Variants in SNX4 observed in about 807,000 individuals in gnomAD.
SNX4 encodes the protein sorting nexin 4, also known as sorting nexin-4.
In SNX4, 49 loss-of-function variants were observed where a neutral mutation model predicts 70.8. The observed-to-expected ratio is 0.69, with a 90% CI of 0.55 to 0.88. The LOEUF is 0.88. Ranked by LOEUF, SNX4 falls within the 40% of genes least tolerant of loss-of-function variation. The pLI is 0.00. For missense variants in SNX4, 528 were observed against 544.8 expected (o/e 0.97, Z 0.31); for synonymous variants, 206 against 183.8 (o/e 1.12, Z -0.98).
At chr3:125,509,154 G>A (rs572830373) in intron 1 of SNX4, among the ~76,000 whole-genome samples, 6 of 151,668 alleles carry the variant, frequency 4.0e-5, no homozygotes, top group Admixed American at 6.6e-5. Flanking sequence ...CCCACATGGT[G>A]AAACCGCATC....
At chr3:125,476,548 G>A (rs765507135) in intron 8 of SNX4, 147 bp downstream of exon 8, 63 of 611,844 alleles carry the variant, frequency 1.0e-4, no homozygotes, top group Non-Finnish European at 1.7e-4. Context: ...CAGCCTGGGT[G>A]ACAAGAAAGA....
intron 8 of SNX4, 146 bp from the exon 9 acceptor site, chr3:125,469,665 T>C (rs1934118154): frequency 8.3e-6 from 5 of 601,936 alleles, no homozygotes; most frequent in Admixed American, 6.4e-5. Context: ...AACTCAAATA[T>C]GCTGTTTTCC....
In SNX4 at chr3:125,454,078, C is replaced by A. The variant is rs939512846; in HGVS notation, c.1045-123G>T. 2.3e-5 allele frequency: 17 copies of A among 735,544 alleles called. No individual in the cohort carries two copies. The African/African-American group carries it at 2.7e-4, about 12-fold the overall frequency. 45.6% of individuals were successfully genotyped at this position (735,544 alleles called of 1,614,324 possible). On this transcript the variant is annotated intron_variant, in intron 11 of 13. Transcript: ENST00000251775. ...TGATATATGCTACAACATGGATAAA[C>A]CTGCAGGACATTATGCTAAGTGAAA...
Position 125,478,992 on chromosome 3 carries a change from A to G in SNX4, c.726+1255T>C, listed in dbSNP as rs578031509. ...TCTTATAATTTATTCAAAGAGTCCA[A>G]CGATACTCTTGAACAGTTAAACGGG... On this transcript the variant is annotated intron_variant, in intron 7 of 13. Coordinates refer to ENST00000251775, the MANE Select transcript of SNX4 (RefSeq NM_003794.4). 3.9e-5 allele frequency among the ~76,000 whole-genome samples: 6 copies of G among 152,366 alleles called. No homozygotes were observed. In the East Asian group the frequency reaches 1.2e-3, roughly 29 times the overall value.
chr3:125,464,155 A>C (rs1476710599), intron 9 of SNX4, among the ~76,000 whole-genome samples: 1 of 152,208 alleles, frequency 6.6e-6, no homozygotes, highest in Non-Finnish European at 1.5e-5. Flanking sequence ...ACTGTTGCAT[A>C]ATCATTACCA....
chr3:125,484,582 T>C (rs949001106), intron 6 of SNX4, among the ~76,000 whole-genome samples: 6 of 152,098 alleles, frequency 3.9e-5, no homozygotes, highest in Admixed American at 2.6e-4. Context: ...TAACATACTT[T>C]TAGTAAGTAA....
At chr3:125,459,269 T>C (rs1413880539) in intron 10 of SNX4, among the ~76,000 whole-genome samples, 2 of 152,220 alleles carry the variant, frequency 1.3e-5, no homozygotes, top group East Asian at 3.9e-4. Context: ...TACCAGATAG[T>C]ATATAATCTT....
rs1024951459 is a variant in SNX4, at chr3:125,500,744, G to A, written c.264-2550C>T. Among the ~76,000 whole-genome samples, 20 of 131,146 alleles carry A rather than the reference G, an allele frequency of 1.5e-4. 1 individual carries two copies. The highest frequency in any genetic ancestry group is 3.1e-5 in the Non-Finnish European group (2 of 64,870). The allele number at this position is 131,146 out of a possible 152,430, so 86.0% of individuals were successfully genotyped here. On this transcript the variant is annotated intron_variant, in intron 2 of 13. Transcript: ENST00000251775. ...AACCCCAGAGGGTGGAGGTTGCAATGAGCTGAGATCGTGCCACTGCACTCC... is the reference window on the plus strand; with the variant it reads ...AACCCCAGAGGGTGGAGGTTGCAATAAGCTGAGATCGTGCCACTGCACTCC...
Position 125,460,806 on chromosome 3 carries a change from C to G in SNX4, c.909G>C (p.Gln303His). 2 of 1,566,986 alleles carry G rather than the reference C, an allele frequency of 1.3e-6. No individual in the cohort carries two copies. Among genetic ancestry groups the G allele is most frequent in the South Asian group, 2.4e-5 (2 of 81,952 alleles). Residue 303 changes from glutamine (Q) to histidine (H), a missense_variant, in exon 10 of 14, where the codon CAG becomes CAC. By Grantham distance (24) the Gln-to-His change is conservative. This residue lies in a region of SNX4 where 159 missense variants were observed against 172.6 expected (regional missense o/e 0.92). Transcript: ENST00000251775. ...CTGCATAAAAAAGATACTCTTTTAACTGATCTGCATAATGTTCTTCATCTT... is the reference window on the plus strand; with the variant it reads ...CTGCATAAAAAAGATACTCTTTTAAGTGATCTGCATAATGTTCTTCATCTT... ...ILEDEEHYAD[Q>H]LKEYLFYAEA...
chr3:125,451,350 C>A lies in SNX4; in HGVS notation c.1260G>T (p.Glu420Asp), dbSNP rs749778290. 1 of 1,613,910 alleles carries A rather than the reference C, an allele frequency of 6.2e-7. No homozygotes were observed. Among genetic ancestry groups the A allele is most frequent in the Non-Finnish European group, 8.5e-7 (1 of 1,179,894 alleles). ...FKEQKNRDLK[E>D]ALISYAVMQI... ...GCATGACTGCATAGCTTATGAGGGC[C>A]TCCTTTAAGTCTCGGTTCTTTTGTT... Residue 420 changes from glutamate to aspartate, a missense_variant, in exon 13 of 14, where the codon GAG becomes GAT. Around this residue, in one of 3 missense-constraint regions of SNX4, gnomAD observed 159 missense variants for 172.6 expected, o/e 0.92. Transcript: ENST00000251775.
intron 6 of SNX4, among the ~76,000 whole-genome samples, chr3:125,488,710 C>T (rs990967241): frequency 2.0e-5 from 3 of 152,132 alleles, no homozygotes; most frequent in African/African-American, 7.2e-5. Context: ...GAAGGATTCA[C>T]TAGAGAAATT....
chr3:125,514,409 T>G (rs1935232111), intron 1 of SNX4, among the ~76,000 whole-genome samples: 1 of 105,360 alleles, frequency 9.5e-6, no homozygotes, highest in Admixed American at 1.0e-4. Context: ...TTTTTTTTTT[T>G]GAGACCGAGT....
rs186962353 is a variant in SNX4, at chr3:125,500,299, T to A, written c.264-2105A>T. Among the ~76,000 whole-genome samples the A allele has an allele frequency of 3.0e-3, 458 of 152,252 alleles. 11 individuals carry two copies. The highest frequency in any genetic ancestry group is 0.026 in the Admixed American group (396 of 15,278). On this transcript the variant is annotated intron_variant, in intron 2 of 13. Coordinates refer to ENST00000251775, the MANE Select transcript of SNX4 (RefSeq NM_003794.4). ...CAAATTAAAAGAATTAATAACATAC[T>A]GCCTTCCAAGCCATCAAGGCATTAC...
At position 125,486,311 on chromosome 3, in the gene SNX4, G is replaced by A. The variant is rs533165135; in HGVS notation, c.653+3097C>T. ...GTATCACAACCTCAATTATCTAACT[G>A]GTTTTCTTTTAAAAGAAAAAAACTA... On this transcript the variant is annotated intron_variant, in intron 6 of 13. Coordinates refer to ENST00000251775, the MANE Select transcript of SNX4 (RefSeq NM_003794.4). Among the ~76,000 whole-genome samples the A allele has an allele frequency of 2.0e-5, 3 of 151,768 alleles. No homozygotes were observed. The South Asian group carries it at 6.2e-4, about 32-fold the overall frequency.
At chr3:125,497,544 A>G (rs893418660) in intron 4 of SNX4, among the ~76,000 whole-genome samples, 156 bp from the exon 5 acceptor site, 7 of 152,214 alleles carry the variant, frequency 4.6e-5, no homozygotes, top group Non-Finnish European at 7.3e-5. Flanking sequence ...CATTCAATCC[A>G]ACTTCTAAAA....
At chr3:125,468,836 A>G (rs1934099532) in intron 9 of SNX4, among the ~76,000 whole-genome samples, 1 of 147,768 alleles carries the variant, frequency 6.8e-6, no homozygotes, top group African/African-American at 2.6e-5. Context: ...GCAACAAAGT[A>G]AGACCTAGTC....
In SNX4 at chr3:125,495,275, T is replaced by TATATATATATATATATACACACACAC; in HGVS notation, c.597+2065_597+2066insGTGTGTGTGTATATATATATATATAT. Among the ~76,000 whole-genome samples, 216 of 83,018 alleles carry TATATATATATATATATACACACACAC rather than the reference T, an allele frequency of 2.6e-3. 7 individuals are homozygous for TATATATATATATATATACACACACAC. Among genetic ancestry groups the TATATATATATATATATACACACACAC allele is most frequent in the African/African-American group, 7.1e-3 (196 of 27,546 alleles). 54.5% of individuals were successfully genotyped at this position (83,018 alleles called of 152,430 possible). ...TTATATATATATATATATATATATATATACACATACACACACACACACGTA... is the reference window on the plus strand; with the variant it reads ...TTATATATATATATATATATATATATATATATATATATATATACACACACACATACACATACACACACACACACGTA... On this transcript the variant is annotated intron_variant, in intron 5 of 13. Transcript: ENST00000251775.
intron 1 of SNX4, among the ~76,000 whole-genome samples, chr3:125,512,675 C>T (rs1018132099): frequency 2.6e-5 from 4 of 151,974 alleles, no homozygotes; most frequent in African/African-American, 4.8e-5. Flanking sequence ...AAATATTATG[C>T]GTAGAGAAGA....
intron 6 of SNX4, among the ~76,000 whole-genome samples, chr3:125,487,556 CAA>C (rs917056798): frequency 2.1e-4 from 32 of 151,960 alleles, no homozygotes; most frequent in Non-Finnish European, 4.4e-4. Flanking sequence ...GTACAGCCAC[CAA>C]AGTCATACAC....
Sources: allele counts gnomAD v4.1 joint callset (sites outside exome capture counted in the v4.1 genomes callset), GRCh38; gene constraint gnomAD v4.1.1; regional missense constraint gnomAD v4.1.1; transcripts MANE v1.5; gene names NCBI Gene and HGNC (gene_info 2026-07-23, HGNC 2026-07-21).